The following PREP variants were observed in gnomAD, a reference collection of about 807,000 sequenced individuals.
PREP encodes the protein dJ355L5.1 (prolyl endopeptidase).
Under a neutral mutation model 87.6 loss-of-function variants are expected in PREP, and 29 were observed. That is an observed-to-expected ratio of 0.33 (90% CI 0.25 to 0.45). The LOEUF (loss-of-function observed/expected upper bound fraction) is 0.45. Among genes scored for constraint, PREP ranks in the 20% least tolerant of loss-of-function variants. PREP has a pLI of 1.00. For missense variants in PREP, 695 were observed against 886.5 expected (o/e 0.78, Z 2.74); for synonymous variants, 337 against 328.6 (o/e 1.03, Z -0.28).
At chr6:105,308,564 G>A (rs1157827681) in intron 10 of PREP, among the ~76,000 whole-genome samples, 4 of 151,874 alleles carry the variant, frequency 2.6e-5, no homozygotes, top group East Asian at 1.9e-4. Flanking sequence ...AGTAAAACTC[G>A]TAGTACAACA....
chr6:105,348,895 G>C (rs1771870412), intron 7 of PREP, among the ~76,000 whole-genome samples: 1 of 150,028 alleles, frequency 6.7e-6, no homozygotes, highest in Admixed American at 6.6e-5. Context: ...AAAAAAAAAA[G>C]TACAAGGAAG....
chr6:105,385,030 C>T (rs1042977324), intron 2 of PREP, among the ~76,000 whole-genome samples: 2 of 152,098 alleles, frequency 1.3e-5, no homozygotes, highest in African/African-American at 4.8e-5. Flanking sequence ...CACAGCTTTC[C>T]TTGGAAGCCT....
At chr6:105,357,986 C>G (rs1437202891) in intron 6 of PREP, among the ~76,000 whole-genome samples, 1 of 149,872 alleles carries the variant, frequency 6.7e-6, no homozygotes, top group African/African-American at 2.5e-5. Context: ...AGCAATTAAT[C>G]TGATTTGCAA....
At chr6:105,314,599 T>A (rs1335109915) in intron 10 of PREP, among the ~76,000 whole-genome samples, 2 of 152,210 alleles carry the variant, frequency 1.3e-5, no homozygotes, top group African/African-American at 4.8e-5. Context: ...GGTCATTAGA[T>A]TGCAGCAATT....
intron 10 of PREP, among the ~76,000 whole-genome samples, chr6:105,303,100 C>T (rs959287992): frequency 5.3e-5 from 8 of 151,504 alleles, no homozygotes; most frequent in Non-Finnish European, 7.4e-5. Flanking sequence ...CCATTCTCTA[C>T]AAAATGAAGT....
At chr6:105,400,707 G>A (rs995657107) in intron 1 of PREP, among the ~76,000 whole-genome samples, 1 of 152,168 alleles carries the variant, frequency 6.6e-6, no homozygotes, top group Admixed American at 6.5e-5. Flanking sequence ...AGCAATGGTC[G>A]ATGGTATTGC....
At chr6:105,391,808 G>A (rs1191408523) in intron 2 of PREP, among the ~76,000 whole-genome samples, 1 of 152,198 alleles carries the variant, frequency 6.6e-6, no homozygotes, top group African/African-American at 2.4e-5. Flanking sequence ...TTTGGGGTTT[G>A]CTTGTTTGTT....
intron 2 of PREP, among the ~76,000 whole-genome samples, chr6:105,387,161 G>A (rs1215510787): frequency 1.3e-5 from 2 of 152,046 alleles, no homozygotes; most frequent in Non-Finnish European, 2.9e-5. Flanking sequence ...GGTGGAGGTT[G>A]CAGTGGAGAT....
At chr6:105,326,490 G>A (rs1771162901) in intron 9 of PREP, among the ~76,000 whole-genome samples, 1 of 152,216 alleles carries the variant, frequency 6.6e-6, no homozygotes. Context: ...GTCAGCTGGT[G>A]TGCACCTGCC....
chr6:105,392,043 CT>C (rs201604035), intron 2 of PREP, among the ~76,000 whole-genome samples: 27,557 of 123,038 alleles, frequency 0.22, 3,460 homozygotes, highest in African/African-American at 0.49. Flanking sequence ...GTCTTCAAAT[CT>C]TTTTTTTTTT....
At chr6:105,291,494 T>C (rs1486236284) in intron 10 of PREP, among the ~76,000 whole-genome samples, 1 of 152,148 alleles carries the variant, frequency 6.6e-6, no homozygotes, top group African/African-American at 2.4e-5. Flanking sequence ...GTGGGCACAA[T>C]CTAATCAGCT....
At chr6:105,393,127 A>G (rs554191454) in intron 2 of PREP, among the ~76,000 whole-genome samples, 6 of 152,360 alleles carry the variant, frequency 3.9e-5, no homozygotes, top group Admixed American at 2.0e-4. Context: ...AAGGTGTATT[A>G]GCCATACCTT....
Position 105,402,955 on chromosome 6 carries a change from C to T in PREP, c.-64G>A. The T allele has an allele frequency of 2.0e-6, 2 of 982,116 alleles. No individual in the cohort carries two copies. Among genetic ancestry groups the T allele is most frequent in the Non-Finnish European group, 2.7e-6 (2 of 728,494 alleles). 60.8% of individuals were successfully genotyped at this position (982,116 alleles called of 1,614,324 possible). On this transcript the variant is annotated 5_prime_UTR_variant, in exon 1 of 15. Transcript: ENST00000652536. ...GCTCCGGGAGCGGACCTGAGCTAGC[C>T]GGGCTGGCCGCGAGGCGCGGCTGGG...
chr6:105,369,780 C>G (rs1348922730), intron 5 of PREP, among the ~76,000 whole-genome samples: 1 of 151,990 alleles, frequency 6.6e-6, no homozygotes, highest in African/African-American at 2.4e-5. Context: ...CTATAAAATT[C>G]CTAAATATAC....
Position 105,393,826 on chromosome 6 carries a change from A to C in PREP, c.120+4027T>G, listed in dbSNP as rs549530883. On this transcript the variant is annotated intron_variant, in intron 2 of 14. Transcript: ENST00000652536. ...CCAACCTGTATTAAATACTAGATTA[A>C]ATCGAAACTCTATTTCAGATCTTAT... Among the ~76,000 whole-genome samples the C allele has an allele frequency of 8.5e-5, 13 of 152,338 alleles. No homozygotes were observed. The South Asian group carries it at 2.7e-3, about 32-fold the overall frequency.
chr6:105,381,602 T>C (rs1031997520), intron 2 of PREP, among the ~76,000 whole-genome samples: 1 of 152,202 alleles, frequency 6.6e-6, no homozygotes, highest in African/African-American at 2.4e-5. Context: ...AAAGCCCTGA[T>C]GCACGCAGCT....
At chr6:105,307,251 A>T (rs1410787008) in intron 10 of PREP, among the ~76,000 whole-genome samples, 1 of 151,080 alleles carries the variant, frequency 6.6e-6, no homozygotes, top group East Asian at 1.9e-4. Context: ...TCCCTTCTTC[A>T]CTCCTCAGTA....
chr6:105,280,658 C>A (rs1362446011), intron 14 of PREP: 1 of 151,776 alleles, frequency 6.6e-6, no homozygotes, highest in Non-Finnish European at 1.5e-5. Context: ...GGCTCACTGT[C>A]CCCCCAGGCT....
intron 5 of PREP, among the ~76,000 whole-genome samples, chr6:105,371,449 T>C (rs1772541183): frequency 1.6e-5 from 2 of 127,338 alleles, no homozygotes; most frequent in African/African-American, 3.1e-5. Flanking sequence ...TGCAGTGAGC[T>C]GAGATCACGC....
Sources: gnomAD v4.1 joint callset for allele counts (sites outside exome capture counted in the v4.1 genomes callset) on GRCh38, gnomAD v4.1.1 for gene constraint, MANE v1.5 for transcripts, NCBI Gene and HGNC (gene_info 2026-07-23, HGNC 2026-07-21) for gene names.